Variants in EPB41L4A observed in about 807,000 individuals in gnomAD.
The protein encoded by EPB41L4A is erythrocyte membrane protein band 4.1 like 4A.
A neutral mutation model predicts 108.6 loss-of-function variants in EPB41L4A; 100 were observed. The observed-to-expected ratio is 0.92, with a 90% CI of 0.78 to 1.09. The LOEUF is 1.09. Among genes scored for constraint, EPB41L4A ranks in the 50% least tolerant of loss-of-function variants. EPB41L4A has a pLI of 0.00. For missense variants in EPB41L4A, 1,030 were observed against 842.7 expected (o/e 1.22, Z -2.75); for synonymous variants, 319 against 289.0 (o/e 1.10, Z -1.05).
intron 17 of EPB41L4A, among the ~76,000 whole-genome samples, chr5:112,193,639 AG>A (rs1761817071): frequency 6.6e-6 from 1 of 152,304 alleles, no homozygotes; most frequent in Non-Finnish European, 1.5e-5. Context: ...TACCCAGAAA[AG>A]TAAAGCAACC....
chr5:112,419,034 G>A lies in EPB41L4A; in HGVS notation c.6C>T (p.Gly2=), dbSNP rs1286516331. 1.2e-6 allele frequency: 2 copies of A among 1,613,050 alleles called. No individual in the cohort carries two copies. Among genetic ancestry groups the A allele is most frequent in the South Asian group, 2.2e-5 (2 of 90,984 alleles). ...ATTCTTCCGGAACAGCGCAGAAACA[G>A]CCCATGTCGGTTGTGGTCGTCTCCA... The part of the protein sequence containing the change: M[G]CFCAVPEEFY... Residue 2 remains glycine (G), a synonymous_variant, in exon 1 of 23, where the codon GGC becomes GGT. Coordinates refer to ENST00000261486, the MANE Select transcript of EPB41L4A (RefSeq NM_022140.5).
intron 1 of EPB41L4A, among the ~76,000 whole-genome samples, chr5:112,392,533 G>A (rs970331688): frequency 4.6e-5 from 7 of 150,906 alleles, no homozygotes; most frequent in Non-Finnish European, 7.4e-5. Flanking sequence ...TCAACAAGAA[G>A]AGCTAACTAT....
chr5:112,191,495 A>G (rs528868202), intron 17 of EPB41L4A, among the ~76,000 whole-genome samples: 75 of 152,326 alleles, frequency 4.9e-4, no homozygotes, highest in Non-Finnish European at 9.6e-4. Context: ...GGTAAAGTTG[A>G]TTCATAAATG....
intron 3 of EPB41L4A, 71 bp from the exon 4 acceptor site, chr5:112,275,475 C>T (rs1752567439): frequency 2.1e-6 from 3 of 1,399,124 alleles, no homozygotes; most frequent in African/African-American, 1.5e-5. Flanking sequence ...TAATATTATA[C>T]AGCTATTTAC....
rs80050392 is a variant in EPB41L4A at position 112,223,741 on chromosome 5, G to A, written c.1087+10893C>T. Among the ~76,000 whole-genome samples, 1,096 of 152,272 alleles carry A rather than the reference G, an allele frequency of 7.2e-3. 15 individuals carry two copies. The highest frequency in any genetic ancestry group is 0.025 in the African/African-American group (1,040 of 41,552). On this transcript the variant is annotated intron_variant, in intron 12 of 22. Transcript: ENST00000261486. Reference sequence around the variant, plus strand: ...TGTGTTCACACACAACTCAAAGGCAGAGACAAAGCTATGCAAAAACTTTCT... The same window carrying A: ...TGTGTTCACACACAACTCAAAGGCAAAGACAAAGCTATGCAAAAACTTTCT...
intron 4 of EPB41L4A, 166 bp downstream of exon 4, chr5:112,275,160 A>G (rs1186312662): frequency 1.2e-6 from 1 of 812,990 alleles, no homozygotes; most frequent in Non-Finnish European, 1.8e-6. Context: ...TCAGACACTG[A>G]TCAACTTCAT....
chr5:112,313,595 A>C (rs938208572), intron 1 of EPB41L4A, among the ~76,000 whole-genome samples: 3 of 152,174 alleles, frequency 2.0e-5, no homozygotes, highest in African/African-American at 4.8e-5. Flanking sequence ...CATCTCAAAA[A>C]ACAAAAAAAT....
At chr5:112,181,270 T>C (rs1004740604) in intron 18 of EPB41L4A, among the ~76,000 whole-genome samples, 1 of 151,608 alleles carries the variant, frequency 6.6e-6, no homozygotes, top group African/African-American at 2.4e-5. Context: ...GCTAACACGG[T>C]GAAACCCCGT....
chr5:112,383,808 T>C (rs987854084), intron 1 of EPB41L4A, among the ~76,000 whole-genome samples: 3 of 151,818 alleles, frequency 2.0e-5, no homozygotes, highest in Non-Finnish European at 4.4e-5. Flanking sequence ...AAATGGTAAA[T>C]GAAAAAACAG....
At chr5:112,416,260 C>T (rs1200182047) in intron 1 of EPB41L4A, among the ~76,000 whole-genome samples, 47 of 152,022 alleles carry the variant, frequency 3.1e-4, no homozygotes, top group Admixed American at 3.1e-3. Flanking sequence ...AAAATGTTTA[C>T]CAAGATTCTC....
intron 1 of EPB41L4A, among the ~76,000 whole-genome samples, chr5:112,415,929 G>C (rs1234250568): frequency 6.6e-6 from 1 of 151,200 alleles, no homozygotes; most frequent in Admixed American, 6.6e-5. Context: ...AAATACCTCC[G>C]TAACATTAAC....
intron 2 of EPB41L4A, among the ~76,000 whole-genome samples, chr5:112,294,620 A>G (rs1480202363): frequency 2.0e-5 from 3 of 152,136 alleles, no homozygotes; most frequent in Non-Finnish European, 4.4e-5. Context: ...CAAGATTTAA[A>G]CAAGGAAAAA....
chr5:112,202,179 C>T (rs1294003619), intron 15 of EPB41L4A, among the ~76,000 whole-genome samples: 1 of 152,114 alleles, frequency 6.6e-6, no homozygotes, highest in East Asian at 1.9e-4. Flanking sequence ...GTTCTTTGTT[C>T]GGCTACAGTG....
At chr5:112,396,120 GGATAGCATTAGGAGA>G (rs1237023622) in intron 1 of EPB41L4A, among the ~76,000 whole-genome samples, 1 of 151,944 alleles carries the variant, frequency 6.6e-6, no homozygotes, top group East Asian at 1.9e-4. Context: ...GAAGGGGGAG[GGATAGCATTAGGAGA>G]GATACCTAAT....
At chr5:112,290,498 A>T (rs753094508) in intron 2 of EPB41L4A, among the ~76,000 whole-genome samples, 1 of 152,198 alleles carries the variant, frequency 6.6e-6, no homozygotes, top group South Asian at 2.1e-4. Context: ...ATTCCTTGAG[A>T]AAGTCCTGAA....
At chr5:112,327,491 G>A (rs1756250255) in intron 1 of EPB41L4A, among the ~76,000 whole-genome samples, 1 of 152,072 alleles carries the variant, frequency 6.6e-6, no homozygotes, top group Non-Finnish European at 1.5e-5. Flanking sequence ...AAAGGTGGGA[G>A]AATCACTTGA....
intron 1 of EPB41L4A, among the ~76,000 whole-genome samples, chr5:112,318,115 A>G (rs1755545313): frequency 6.6e-6 from 1 of 152,220 alleles, no homozygotes; most frequent in Non-Finnish European, 1.5e-5. Flanking sequence ...CACAGGTCAC[A>G]GGGCTGGCTA....
chr5:112,368,918 T>G (rs1371572265), intron 1 of EPB41L4A, among the ~76,000 whole-genome samples: 1 of 152,124 alleles, frequency 6.6e-6, no homozygotes, highest in Non-Finnish European at 1.5e-5. Context: ...CCAATTCTCG[T>G]CCACTCCCAC....
intron 1 of EPB41L4A, among the ~76,000 whole-genome samples, chr5:112,374,277 T>C (rs1474401578): frequency 6.6e-6 from 1 of 152,318 alleles, no homozygotes; most frequent in South Asian, 2.1e-4. Flanking sequence ...AATGTTCTCA[T>C]TACCCAACAG....
Sources: allele counts gnomAD v4.1 joint callset (sites outside exome capture counted in the v4.1 genomes callset), GRCh38; gene constraint gnomAD v4.1.1; transcripts MANE v1.5; gene names NCBI Gene and HGNC (gene_info 2026-07-23, HGNC 2026-07-21).